The following CHRM3 variants were observed in gnomAD, a reference collection of about 807,000 sequenced individuals.
The protein encoded by CHRM3 is cholinergic receptor muscarinic 3, also known as muscarinic acetylcholine receptor M3.
Under a neutral mutation model 41.8 loss-of-function variants are expected in CHRM3, and 11 were observed. That is an observed-to-expected ratio of 0.26 (90% confidence interval 0.17 to 0.44). The LOEUF (loss-of-function observed/expected upper bound fraction) is 0.44, where lower values mean the gene tolerates loss of function less well. Ranked by LOEUF, CHRM3 falls within the 20% of genes least tolerant of loss-of-function variation. The probability of loss-of-function intolerance (pLI) is 1.00; values close to 1 mark genes in which losing one functional copy is unlikely to be tolerated. For missense variants in CHRM3, 571 were observed against 745.4 expected, an observed-to-expected ratio of 0.77 and a Z score of 2.72; for synonymous variants, 297 against 301.4, an observed-to-expected ratio of 0.99 and a Z score of 0.15.
intron 2 of CHRM3, among the ~76,000 whole-genome samples, chr1:239,520,841 C>A (rs1669593246): frequency 1.3e-5 from 2 of 152,106 alleles, no homozygotes; most frequent in Non-Finnish European, 2.9e-5. Context: ...TGTTGACTTT[C>A]AAAAGCAACT....
chr1:239,733,203 G>A (rs1664109624), intron 5 of CHRM3, among the ~76,000 whole-genome samples: 1 of 151,962 alleles, frequency 6.6e-6, no homozygotes. Context: ...ATTAACCTCT[G>A]TATGCCCTCT....
intron 5 of CHRM3, among the ~76,000 whole-genome samples, chr1:239,807,953 T>C (rs936702846): frequency 2.0e-5 from 3 of 152,224 alleles, no homozygotes; most frequent in Admixed American, 2.0e-4. Context: ...TATCTCATTA[T>C]TCTTTTCTTC....
At chr1:239,430,465 T>C (rs929055196) in intron 1 of CHRM3, among the ~76,000 whole-genome samples, 3 of 152,100 alleles carry the variant, frequency 2.0e-5, no homozygotes, top group African/African-American at 4.8e-5. Flanking sequence ...TTAATAGGTA[T>C]GGTTTTTGTG....
At chr1:239,654,539 C>A (rs1046427755) in intron 4 of CHRM3, among the ~76,000 whole-genome samples, 1 of 152,168 alleles carries the variant, frequency 6.6e-6, no homozygotes, top group African/African-American at 2.4e-5. Context: ...GCTGGGACTA[C>A]AGGCACACAC....
At chr1:239,776,590 G>A (rs1328655570) in intron 5 of CHRM3, among the ~76,000 whole-genome samples, 2 of 152,052 alleles carry the variant, frequency 1.3e-5, no homozygotes, top group African/African-American at 2.4e-5. Context: ...AAGAAAAGAA[G>A]GAATCCGTCC....
At chr1:239,536,802 A>G (rs1475256961) in intron 2 of CHRM3, among the ~76,000 whole-genome samples, 1 of 152,170 alleles carries the variant, frequency 6.6e-6, no homozygotes, top group Non-Finnish European at 1.5e-5. Flanking sequence ...ACTTTTGAGT[A>G]CTTGAGAGTT....
At chr1:239,556,593 T>A (rs1660376852) in intron 3 of CHRM3, among the ~76,000 whole-genome samples, 1 of 152,110 alleles carries the variant, frequency 6.6e-6, no homozygotes, top group Non-Finnish European at 1.5e-5. Flanking sequence ...ACACTAAAAA[T>A]AGAGTAATTA....
At chr1:239,761,989 G>T (rs373843414) in intron 5 of CHRM3, among the ~76,000 whole-genome samples, 3 of 152,100 alleles carry the variant, frequency 2.0e-5, no homozygotes, top group Non-Finnish European at 4.4e-5. Context: ...GCTCTCTCCC[G>T]GGAGTAGACT....
intron 5 of CHRM3, among the ~76,000 whole-genome samples, chr1:239,735,433 C>T (rs149082792): frequency 1.2e-3 from 187 of 152,040 alleles, no homozygotes; most frequent in African/African-American, 4.2e-3. Context: ...ATTTTTTTTC[C>T]TGCTTTTATT....
At chr1:239,401,395 A>T (rs576714714) in intron 1 of CHRM3, among the ~76,000 whole-genome samples, 1 of 152,060 alleles carries the variant, frequency 6.6e-6, no homozygotes, top group South Asian at 2.1e-4. Flanking sequence ...GTTTGACTTG[A>T]CTTTCCTTAA....
intron 2 of CHRM3, among the ~76,000 whole-genome samples, chr1:239,511,735 C>T (rs1171323616): frequency 6.6e-6 from 1 of 152,114 alleles, no homozygotes; most frequent in African/African-American, 2.4e-5. Flanking sequence ...CAGATTAATA[C>T]TTATTTTCAG....
chr1:239,903,844 C>G (rs998351165), intron 6 of CHRM3, among the ~76,000 whole-genome samples: 1 of 152,210 alleles, frequency 6.6e-6, no homozygotes, highest in Non-Finnish European at 1.5e-5. Flanking sequence ...CCTGGGTCTT[C>G]TTCATGTTCA....
At chr1:239,504,947 C>T (rs1668471209) in intron 2 of CHRM3, among the ~76,000 whole-genome samples, 1 of 152,020 alleles carries the variant, frequency 6.6e-6, no homozygotes, top group Non-Finnish European at 1.5e-5. Context: ...TAAAAGACTA[C>T]AAATATGGTG....
intron 3 of CHRM3, among the ~76,000 whole-genome samples, chr1:239,599,197 C>G (rs1157025444): frequency 1.3e-5 from 2 of 152,120 alleles, no homozygotes; most frequent in Non-Finnish European, 2.9e-5. Context: ...CTTCATCACC[C>G]AATAAAACAA....
intron 5 of CHRM3, among the ~76,000 whole-genome samples, chr1:239,794,283 T>C (rs992046838): frequency 3.3e-5 from 5 of 152,198 alleles, no homozygotes; most frequent in East Asian, 1.9e-4. Context: ...TTTTTTCTAA[T>C]GATGACATGC....
chr1:239,449,059 T>A (rs1198715529), intron 1 of CHRM3, among the ~76,000 whole-genome samples: 1 of 152,192 alleles, frequency 6.6e-6, no homozygotes, highest in East Asian at 1.9e-4. Flanking sequence ...AACCGTTTGT[T>A]ACCATAAAAG....
At chr1:239,436,314 A>T (rs1205714601) in intron 1 of CHRM3, among the ~76,000 whole-genome samples, 1 of 151,974 alleles carries the variant, frequency 6.6e-6, no homozygotes, top group African/African-American at 2.4e-5. Flanking sequence ...AGCGATTTGG[A>T]ATTTGGAGGC....
intron 4 of CHRM3, among the ~76,000 whole-genome samples, chr1:239,667,366 C>T (rs961843879): frequency 5.3e-5 from 8 of 152,114 alleles, no homozygotes; most frequent in African/African-American, 1.4e-4. Flanking sequence ...TCCAATGTCC[C>T]GCATATCCCA....
At chr1:239,818,608 G>C (rs2149030892) in intron 5 of CHRM3, among the ~76,000 whole-genome samples, 1 of 152,284 alleles carries the variant, frequency 6.6e-6, no homozygotes, top group East Asian at 1.9e-4. Flanking sequence ...ACTCCGGAGA[G>C]CATGGCCTGT....
Sources: allele counts gnomAD v4.1 joint callset (sites outside exome capture counted in the v4.1 genomes callset), GRCh38; gene constraint gnomAD v4.1.1; transcripts MANE v1.5; gene names NCBI Gene and HGNC (gene_info 2026-07-23, HGNC 2026-07-21).